Variants in NHSL2 observed in about 807,000 individuals in gnomAD.
NHSL2 encodes the protein NHS-like protein 2.
NHSL2 carries 27 observed loss-of-function variants against 53.4 expected under a neutral mutation model. The observed-to-expected ratio is 0.51, with a 90% confidence interval of 0.37 to 0.70. The LOEUF is 0.70. NHSL2 is among the 30% of genes least tolerant of loss of function. The pLI, the probability that NHSL2 is intolerant of heterozygous loss-of-function variation, is 0.00. For missense variants in NHSL2, 892 were observed against 980.1 expected (o/e 0.91, Z 1.20); for synonymous variants, 408 against 404.1 (o/e 1.01, Z -0.12).
In NHSL2 at chrX:72,132,220, A is replaced by T. The variant is rs1262822723; in HGVS notation, c.422A>T (p.Gln141Leu). The T allele has an allele frequency of 2.3e-5, 27 of 1,160,423 alleles. No individual in the cohort carries two copies. The highest frequency in any genetic ancestry group is 2.6e-5 in the Non-Finnish European group (23 of 868,972). The change falls in exon 2 of 8, where the codon CAG (glutamine) becomes CTG (leucine). Residue 141 changes from glutamine (Q) to leucine (L), a missense_variant. Transcript: ENST00000633930. ...ELLREAQLNL[Q>L]SLLQEEYEEQ... ...CTTCGGGAGGCGCAGCTCAATCTCC[A>T]GAGCCTGTTGCAAGGTACCGAGAGG... is the stretch of plus-strand genomic sequence containing the variant.
At chrX:71,918,099 G>A (rs2041637921) in intron 1 of NHSL2, among the ~76,000 whole-genome samples, 1 of 111,634 alleles carries the variant, frequency 9.0e-6, no homozygotes, top group Non-Finnish European at 1.9e-5. Flanking sequence ...GCCAGGCCCT[G>A]GGCCCCTCTA....
chrX:72,134,239 C>A, intron 3 of NHSL2, 21 bp downstream of exon 3: 1 of 1,158,411 alleles, frequency 8.6e-7, no homozygotes, highest in East Asian at 3.3e-5. Flanking sequence ...TCATCCCCCA[C>A]CTGGGAGAGC....
At chrX:71,990,205 A>G (rs1157032175) in intron 1 of NHSL2, among the ~76,000 whole-genome samples, 2 of 111,896 alleles carry the variant, frequency 1.8e-5, no homozygotes, top group African/African-American at 6.5e-5. Context: ...GAGGCACTGA[A>G]TGGGATTTCC....
At chrX:72,046,830 G>A (rs2042308540) in intron 1 of NHSL2, among the ~76,000 whole-genome samples, 1 of 110,748 alleles carries the variant, frequency 9.0e-6, no homozygotes, top group South Asian at 4.0e-4. Context: ...ATGAGTTGCC[G>A]CTGTGCTGCA....
chrX:71,985,181 G>A (rs1024391333), intron 1 of NHSL2, among the ~76,000 whole-genome samples: 12 of 111,322 alleles, frequency 1.1e-4, no homozygotes, highest in Admixed American at 7.6e-4. Flanking sequence ...GCCCAGCCAT[G>A]GATTTGTGCC....
intron 1 of NHSL2, among the ~76,000 whole-genome samples, chrX:71,984,640 T>A (rs1219927778): frequency 1.8e-5 from 2 of 111,843 alleles, no homozygotes; most frequent in Non-Finnish European, 3.8e-5. Context: ...TAATAACAGG[T>A]ATACCACAAT....
At chrX:72,053,824 C>G (rs1185657891) in intron 1 of NHSL2, among the ~76,000 whole-genome samples, 1 of 111,777 alleles carries the variant, frequency 8.9e-6, no homozygotes, top group Admixed American at 9.5e-5. Flanking sequence ...CCATCTCATT[C>G]CCAGCACATA....
At chrX:71,948,686 C>T (rs1341608559) in intron 1 of NHSL2, among the ~76,000 whole-genome samples, 1 of 109,409 alleles carries the variant, frequency 9.1e-6, no homozygotes, top group African/African-American at 3.3e-5. Context: ...AAAAATTAGT[C>T]GGGCATGGAG....
intron 1 of NHSL2, among the ~76,000 whole-genome samples, chrX:71,991,339 G>A (rs1326125593): frequency 2.7e-5 from 3 of 112,461 alleles, no homozygotes; most frequent in Non-Finnish European, 5.6e-5. Flanking sequence ...TCTTGGATTA[G>A]GTGGTGTTTA....
intron 1 of NHSL2, among the ~76,000 whole-genome samples, chrX:72,071,891 T>A (rs1339338833): frequency 8.9e-6 from 1 of 112,167 alleles, no homozygotes; most frequent in Non-Finnish European, 1.9e-5. Flanking sequence ...CGAGGCCTCC[T>A]CTGAGACATC....
intron 1 of NHSL2, among the ~76,000 whole-genome samples, chrX:71,924,928 C>T (rs768422597): frequency 8.9e-6 from 1 of 112,158 alleles, no homozygotes; most frequent in Non-Finnish European, 1.9e-5. Flanking sequence ...AATCACCCCC[C>T]CTCCCCAAAT....
intron 1 of NHSL2, chrX:72,130,810 A>G: frequency 8.3e-7 from 1 of 1,211,488 alleles, no homozygotes; most frequent in Non-Finnish European, 1.1e-6. Context: ...GCCCTGCTTG[A>G]GCTTGCGAAT....
chrX:71,987,939 G>T (rs755410648), intron 1 of NHSL2, among the ~76,000 whole-genome samples: 28 of 112,094 alleles, frequency 2.5e-4, no homozygotes, highest in Non-Finnish European at 7.5e-5. Context: ...ATAATTTTAA[G>T]GGCTAACTAT....
chrX:72,139,465 T>C lies in NHSL2; in HGVS notation c.1917T>C (p.Tyr639=). The C allele has an allele frequency of 8.3e-7, 1 of 1,210,222 alleles. No homozygotes were observed. Among genetic ancestry groups the C allele is most frequent in the Non-Finnish European group, 1.1e-6 (1 of 894,340 alleles). ...PESTQFSHHW[Y]LTDWKSGDTY... ...GTACACAATTCTCCCACCACTGGTATCTTACTGACTGGAAGTCTGGTGACA... is the reference window on the plus strand; with the variant it reads ...GTACACAATTCTCCCACCACTGGTACCTTACTGACTGGAAGTCTGGTGACA... Residue 639 remains tyrosine (Y), a synonymous_variant, in exon 6 of 8, where the codon TAT becomes TAC. Coordinates refer to ENST00000633930, the MANE Select transcript of NHSL2 (RefSeq NM_001013627.3).
In NHSL2 at chrX:72,144,420, G is replaced by T; in HGVS notation, c.*846G>T. On this transcript the variant is annotated 3_prime_UTR_variant, in exon 8 of 8. Coordinates refer to ENST00000633930, the MANE Select transcript of NHSL2 (RefSeq NM_001013627.3). ...TGTGTCTGTCAACAGCGATAGGCAG[G>T]ATCTGCGCCCAGCTCATGCTGCATT... 4 of 682,021 alleles carry T rather than the reference G, an allele frequency of 5.9e-6. No homozygotes were observed. The highest frequency in any genetic ancestry group is 8.6e-6 in the Non-Finnish European group (4 of 465,990). The allele number at this position is 682,021 out of a possible 1,213,427, so 56.2% of individuals were successfully genotyped here.
At chrX:72,142,770 G>A (rs2042428930) in intron 7 of NHSL2, among the ~76,000 whole-genome samples, 1 of 111,973 alleles carries the variant, frequency 8.9e-6, no homozygotes, top group Non-Finnish European at 1.9e-5. Flanking sequence ...ATCCCATCAA[G>A]AGTTGAAGTG....
At chrX:71,999,273 G>A (rs1211807617) in intron 1 of NHSL2, among the ~76,000 whole-genome samples, 1 of 112,390 alleles carries the variant, frequency 8.9e-6, no homozygotes, top group Non-Finnish European at 1.9e-5. Context: ...CAAGGACTGT[G>A]TTTTGGTCAT....
intron 1 of NHSL2, among the ~76,000 whole-genome samples, chrX:72,086,865 T>C (rs962710311): frequency 3.6e-5 from 4 of 111,096 alleles, no homozygotes; most frequent in African/African-American, 1.3e-4. Context: ...AACATAGAAT[T>C]ACCTTGAAAA....
chrX:72,131,529 C>T (rs765445643), intron 1 of NHSL2: 167 of 1,185,914 alleles, frequency 1.4e-4, no homozygotes, highest in Non-Finnish European at 1.9e-4. Flanking sequence ...GATTTCCTGA[C>T]GCCTCAGACA....
Sources: gnomAD v4.1 joint callset for allele counts (sites outside exome capture counted in the v4.1 genomes callset) on GRCh38, gnomAD v4.1.1 for gene constraint, MANE v1.5 for transcripts, NCBI Gene and HGNC (gene_info 2026-07-23, HGNC 2026-07-21) for gene names.